The following ZDHHC20 variants were observed in gnomAD, a reference collection of about 807,000 sequenced individuals.
ZDHHC20 encodes zDHHC palmitoyltransferase 20, also known as palmitoyltransferase ZDHHC20.
ZDHHC20 carries 43 observed loss-of-function variants against 57.8 expected under a neutral mutation model. The observed-to-expected ratio is 0.74, with a 90% CI of 0.58 to 0.96. ZDHHC20 has a LOEUF of 0.96. Among genes scored for constraint, ZDHHC20 ranks in the 40% least tolerant of loss-of-function variants. The probability of loss-of-function intolerance (pLI) is 0.00; values close to 1 mark genes in which losing one functional copy is unlikely to be tolerated. For synonymous variants in ZDHHC20, 157 were observed against 153.0 expected, an observed-to-expected ratio of 1.03 and a Z score of -0.19; for missense variants, 391 against 441.1, an observed-to-expected ratio of 0.89 and a Z score of 1.02.
chr13:21,389,818 A>G (rs1875334835), intron 8 of ZDHHC20, among the ~76,000 whole-genome samples: 1 of 152,220 alleles, frequency 6.6e-6, no homozygotes, highest in African/African-American at 2.4e-5. Flanking sequence ...ATCAGTTTTG[A>G]AAAGAAGAAA....
chr13:21,440,050 G>C (rs1376168838), intron 1 of ZDHHC20, among the ~76,000 whole-genome samples: 1 of 122,802 alleles, frequency 8.1e-6, no homozygotes, highest in Non-Finnish European at 1.6e-5. Context: ...CTGGGCGACA[G>C]AGTAAGACTG....
In ZDHHC20 at chr13:21,387,524, G is replaced by T; in HGVS notation, c.838C>A (p.Leu280Ile). 6.5e-7 allele frequency: 1 copy of T among 1,532,342 alleles called. No homozygotes were observed. The highest frequency in any genetic ancestry group is 8.8e-7 in the Non-Finnish European group (1 of 1,137,500). The allele number at this position is 1,532,342 out of a possible 1,614,324, so 94.9% of individuals were successfully genotyped here. A position where few individuals can be genotyped will look rare whatever the true frequency, so the allele number is the denominator to read the frequency against. Residue 280 changes from leucine (L) to isoleucine (I), a missense_variant, in exon 9 of 13, where the codon CTT becomes ATT. Transcript: ENST00000400590. ...ATAAATTACCTTGAAAATATTGGAA[G>T]TAGCCAATATTTCTTTTCATCACCA... ...VFGDEKKYWLLPIFSSLGDGC... is the reference protein window; with the variant it reads ...VFGDEKKYWLIPIFSSLGDGC...
chr13:21,413,602 A>G (rs1879523966), intron 4 of ZDHHC20, 50 bp downstream of exon 4: 1 of 1,527,306 alleles, frequency 6.5e-7, no homozygotes, highest in Admixed American at 2.0e-5. Flanking sequence ...TGGCAGGAAT[A>G]AGCATACTTT....
intron 7 of ZDHHC20, 151 bp downstream of exon 7, chr13:21,400,222 T>G: frequency 1.5e-6 from 1 of 657,394 alleles, no homozygotes; most frequent in Non-Finnish European, 2.3e-6. Flanking sequence ...TGAAAGTAAA[T>G]TGTAGCCCTA....
intron 1 of ZDHHC20, among the ~76,000 whole-genome samples, chr13:21,448,461 A>G (rs1369378534): frequency 2.8e-5 from 2 of 72,592 alleles, no homozygotes; most frequent in Non-Finnish European, 3.1e-5. Context: ...TCCGGGAAGG[A>G]GGTGGGGGGG....
chr13:21,421,573 C>T (rs1391817363), intron 2 of ZDHHC20, among the ~76,000 whole-genome samples: 1 of 152,052 alleles, frequency 6.6e-6, no homozygotes, highest in East Asian at 1.9e-4. Context: ...AAATAAGTTA[C>T]CATCACCATA....
chr13:21,458,901 T>C (rs978803508), intron 1 of ZDHHC20, among the ~76,000 whole-genome samples, 153 bp downstream of exon 1: 1 of 151,384 alleles, frequency 6.6e-6, no homozygotes. Context: ...AAGCGGCGGG[T>C]GCAGCAACCT....
chr13:21,377,220 G>GTGCC (rs1872272650), intron 12 of ZDHHC20: 1 of 172,782 alleles, frequency 5.8e-6, no homozygotes, highest in East Asian at 2.0e-4. Context: ...TCCACCCCTA[G>GTGCC]TGCCTGCGAT....
chr13:21,406,037 T>C (rs1593218927), intron 4 of ZDHHC20, among the ~76,000 whole-genome samples: 1 of 152,194 alleles, frequency 6.6e-6, no homozygotes, highest in African/African-American at 2.4e-5. Flanking sequence ...GTGGTTAAGA[T>C]TGTGTATTCT....
intron 3 of ZDHHC20, among the ~76,000 whole-genome samples, chr13:21,414,049 G>A (rs1879591388): frequency 6.6e-6 from 1 of 151,958 alleles, no homozygotes; most frequent in Admixed American, 6.6e-5. Flanking sequence ...TTTCTACACA[G>A]GAAAGGCTTA....
In ZDHHC20 at chr13:21,413,717, C is replaced by G; in HGVS notation, c.305G>C (p.Arg102Thr). The G allele has an allele frequency of 6.2e-7, 1 of 1,611,718 alleles. No homozygotes were observed. The highest frequency in any genetic ancestry group is 1.1e-5 in the South Asian group (1 of 90,902). The change falls in exon 4 of 13, where the codon AGA becomes ACA. Residue 102 changes from arginine (R) to threonine (T), a missense_variant. Arg to Thr is a moderately conservative substitution (Grantham distance 71). This residue lies in a region of ZDHHC20 where 185 missense variants were observed against 188.0 expected (regional missense o/e 0.98). Coordinates refer to ENST00000400590, the MANE Select transcript of ZDHHC20 (RefSeq NM_001330059.2). ...ERYEKEFSQE[R>T]QQEILRRAAR... ...TGCTCTTCTCAAAATTTCTTGTTGTCTTTCTTGGCTGAATTCTTTTTCATA... is the reference window on the plus strand; with the variant it reads ...TGCTCTTCTCAAAATTTCTTGTTGTGTTTCTTGGCTGAATTCTTTTTCATA...
At chr13:21,395,496 C>CTTTTTTTTTTTTTT (rs201405874) in intron 7 of ZDHHC20, among the ~76,000 whole-genome samples, 3 of 120,508 alleles carry the variant, frequency 2.5e-5, no homozygotes, top group Non-Finnish European at 3.5e-5. Flanking sequence ...CTTTTCTTTT[C>CTTTTTTTTTTTTTT]TTTTTTTTTT....
At chr13:21,381,732 C>T (rs552955940) in intron 10 of ZDHHC20, among the ~76,000 whole-genome samples, 183 bp from the exon 11 acceptor site, 2 of 152,288 alleles carry the variant, frequency 1.3e-5, no homozygotes, top group South Asian at 4.1e-4. Context: ...CATTAAATGG[C>T]TCTCTAGACC....
chr13:21,440,068 G>GAAAAAAAAAAAAAAAAAA (rs376263181), intron 1 of ZDHHC20, among the ~76,000 whole-genome samples: 1 of 89,774 alleles, frequency 1.1e-5, no homozygotes. Context: ...CTGTTTCTCA[G>GAAAAAAAAAAAAAAAAAA]AAAAAAAAAA....
chr13:21,447,427 CGATTGCAGGCACG>C (rs1566115746), intron 1 of ZDHHC20, among the ~76,000 whole-genome samples: 1 of 146,864 alleles, frequency 6.8e-6, no homozygotes, highest in African/African-American at 2.5e-5. Flanking sequence ...CGAGTGCCTG[CGATTGCAGGCACG>C]CGCCGCCACG....
chr13:21,418,095 C>T (rs967310891), intron 3 of ZDHHC20, among the ~76,000 whole-genome samples: 1 of 152,170 alleles, frequency 6.6e-6, no homozygotes, highest in African/African-American at 2.4e-5. Context: ...CCACTATGTG[C>T]CAGATAGTGT....
chr13:21,448,098 C>T, intron 1 of ZDHHC20, among the ~76,000 whole-genome samples: 1 of 144,238 alleles, frequency 6.9e-6, no homozygotes, highest in Non-Finnish European at 1.5e-5. Context: ...GCCGCCCCGT[C>T]TGGGAGGTGA....
At chr13:21,397,419 TGGGA>T (rs1320824597) in intron 7 of ZDHHC20, among the ~76,000 whole-genome samples, 6 of 151,968 alleles carry the variant, frequency 3.9e-5, no homozygotes, top group Non-Finnish European at 7.4e-5. Flanking sequence ...CCCAGCACTT[TGGGA>T]GGCCGAGGTG....
intron 12 of ZDHHC20, 66 bp from the exon 13 acceptor site, chr13:21,376,721 T>C (rs1367436199): frequency 9.4e-7 from 1 of 1,067,690 alleles, no homozygotes; most frequent in South Asian, 1.7e-5. Context: ...ATTTACTAAA[T>C]GGTTCTGTGG....
Sources: gnomAD v4.1 joint callset for allele counts (sites outside exome capture counted in the v4.1 genomes callset) on GRCh38, gnomAD v4.1.1 for gene constraint, gnomAD v4.1.1 regional missense constraint, MANE v1.5 for transcripts, NCBI Gene and HGNC (gene_info 2026-07-23, HGNC 2026-07-21) for gene names.